PLXNC1: variants seen among roughly 807,000 people sequenced by gnomAD.
The protein encoded by PLXNC1 is plexin-C1.
PLXNC1 carries 75 observed loss-of-function variants against 178.2 expected under a neutral mutation model. That is an observed-to-expected ratio of 0.42 (90% CI 0.35 to 0.51). PLXNC1 has a LOEUF of 0.51. Among genes scored for constraint, PLXNC1 ranks in the 20% least tolerant of loss-of-function variants. The pLI is 0.02. For missense variants in PLXNC1, 1,503 were observed against 1,984.4 expected (o/e 0.76, Z 4.61); for synonymous variants, 790 against 779.9 (o/e 1.01, Z -0.22).
intron 2 of PLXNC1, among the ~76,000 whole-genome samples, chr12:94,174,532 A>G (rs73364605): frequency 0.022 from 3,357 of 152,296 alleles, 149 homozygotes; most frequent in African/African-American, 0.077. Context: ...GGTTCCAAAA[A>G]GTTCTGTCTG....
At chr12:94,193,088 G>C (rs1328635339) in intron 4 of PLXNC1, among the ~76,000 whole-genome samples, 1 of 152,198 alleles carries the variant, frequency 6.6e-6, no homozygotes, top group Non-Finnish European at 1.5e-5. Flanking sequence ...TGAGGCAGGG[G>C]AAGCTGGTGT....
chr12:94,304,480 A>G (rs1408613609), intron 30 of PLXNC1, among the ~76,000 whole-genome samples: 1 of 152,238 alleles, frequency 6.6e-6, no homozygotes, highest in African/African-American at 2.4e-5. Context: ...TCAATAAACC[A>G]TTCTCCTTTA....
intron 1 of PLXNC1, among the ~76,000 whole-genome samples, chr12:94,155,032 T>C (rs1007269773): frequency 6.6e-6 from 1 of 152,254 alleles, no homozygotes; most frequent in African/African-American, 2.4e-5. Context: ...TTTTTCTTAA[T>C]GCCTGATGTG....
intron 21 of PLXNC1, among the ~76,000 whole-genome samples, chr12:94,268,588 C>CTT (rs61265662): frequency 0.025 from 2,261 of 90,832 alleles, 54 homozygotes; most frequent in Non-Finnish European, 0.03. Flanking sequence ...AGAATAAGAC[C>CTT]TTTTTTTTTT....
intron 5 of PLXNC1, among the ~76,000 whole-genome samples, chr12:94,210,357 G>C (rs1345405482): frequency 6.6e-6 from 1 of 152,188 alleles, no homozygotes; most frequent in Admixed American, 6.5e-5. Context: ...CACGCCAACC[G>C]TGCCCTACGG....
chr12:94,239,050 C>T (rs1195702581), intron 10 of PLXNC1, among the ~76,000 whole-genome samples: 1 of 152,092 alleles, frequency 6.6e-6, no homozygotes, highest in African/African-American at 2.4e-5. Flanking sequence ...AGTAGTTTTT[C>T]GGAGCATTAC....
At chr12:94,217,963 A>G (rs1208350163) in intron 5 of PLXNC1, among the ~76,000 whole-genome samples, 6 of 152,268 alleles carry the variant, frequency 3.9e-5, no homozygotes, top group Admixed American at 3.9e-4. Context: ...TAAAAGCTAC[A>G]TATGTGAGAA....
At chr12:94,278,170 A>G (rs1161783768) in intron 21 of PLXNC1, 5 of 387,364 alleles carry the variant, frequency 1.3e-5, no homozygotes, top group Admixed American at 3.1e-5. Context: ...CAAAATTCCC[A>G]TTACTTGATC....
intron 21 of PLXNC1, among the ~76,000 whole-genome samples, chr12:94,273,652 T>C (rs1015900150): frequency 1.3e-5 from 2 of 152,178 alleles, no homozygotes; most frequent in African/African-American, 4.8e-5. Flanking sequence ...ACAGTTCTTC[T>C]ACTAGTCTGC....
intron 1 of PLXNC1, chr12:94,168,080 G>T (rs1565789728): frequency 2.0e-5 from 3 of 152,196 alleles, no homozygotes; most frequent in Admixed American, 1.3e-4. Context: ...ATATAATGAA[G>T]TTAATAAGTC....
At chr12:94,282,086 A>G in intron 22 of PLXNC1, 2 of 490,026 alleles carry the variant, frequency 4.1e-6, no homozygotes, top group Non-Finnish European at 7.4e-6. Context: ...CAGGCTTATC[A>G]GGGAAGAAGT....
At chr12:94,171,254 C>G (rs1258706605) in intron 2 of PLXNC1, among the ~76,000 whole-genome samples, 1 of 152,172 alleles carries the variant, frequency 6.6e-6, no homozygotes, top group African/African-American at 2.4e-5. Flanking sequence ...CGCAGCCGAC[C>G]GAAGTCTCGC....
intron 5 of PLXNC1, among the ~76,000 whole-genome samples, chr12:94,210,432 G>A (rs936347094): frequency 2.0e-5 from 3 of 152,302 alleles, no homozygotes; most frequent in South Asian, 2.1e-4. Flanking sequence ...CCCTAATGAC[G>A]GCTCTTGTGT....
At chr12:94,245,059 T>C (rs1964489863) in intron 12 of PLXNC1, among the ~76,000 whole-genome samples, 1 of 152,226 alleles carries the variant, frequency 6.6e-6, no homozygotes, top group Admixed American at 6.5e-5. Context: ...GGCCGCCTGA[T>C]AGGCCGTCCT....
intron 21 of PLXNC1, chr12:94,277,176 T>C (rs1249761614): frequency 6.6e-6 from 1 of 152,200 alleles, no homozygotes. Flanking sequence ...TTTCTCATGA[T>C]GGCGCCTTCC....
chr12:94,196,564 G>C (rs576586792), intron 4 of PLXNC1, among the ~76,000 whole-genome samples: 1 of 152,142 alleles, frequency 6.6e-6, no homozygotes, highest in Non-Finnish European at 1.5e-5. Context: ...AAATTATCCA[G>C]TCTCAGGTAT....
In PLXNC1 at chr12:94,226,594, T is replaced by C; in HGVS notation, c.1791-11T>C. The C allele has an allele frequency of 6.3e-7, 1 of 1,598,994 alleles. No homozygotes were observed. Among genetic ancestry groups the C allele is most frequent in the Non-Finnish European group, 8.6e-7 (1 of 1,166,386 alleles). ...AAACGCAGGAATTAAGTCAGTTTTC[T>C]GTGTTGCTAGATGCCCAGCATGCGT... On this transcript the variant is annotated splice_polypyrimidine_tract_variant and intron_variant, in intron 7 of 30. Coordinates refer to ENST00000258526, the MANE Select transcript of PLXNC1 (RefSeq NM_005761.3).
chr12:94,193,219 TA>T (rs1366019349), intron 4 of PLXNC1, among the ~76,000 whole-genome samples: 1 of 152,136 alleles, frequency 6.6e-6, no homozygotes, highest in Non-Finnish European at 1.5e-5. Context: ...GGGCTTTAAT[TA>T]AAAGTGCGAC....
Position 94,260,726 on chromosome 12 carries a change from C to T in PLXNC1, c.3336C>T (p.Asp1112=). Residue 1112 remains aspartate, a synonymous_variant, in exon 20 of 31, where the codon GAC becomes GAT. Coordinates refer to ENST00000258526, the MANE Select transcript of PLXNC1 (RefSeq NM_005761.3). This position sits in a 1 kb window ranked among gnomAD's most constrained non-coding sequence, Gnocchi z 4.4. ...LTSILEVLTR[D]LMEQCSNMQP... is the part of the protein sequence containing the mutation. ...GCATCCTAGAGGTGCTGACCAGGGA[C>T]TTGATGGAACAGTGTAGTAACATGC... The T allele has an allele frequency of 6.2e-7, 1 of 1,614,122 alleles. No individual in the cohort carries two copies.
Sources: gnomAD v4.1 joint callset for allele counts (sites outside exome capture counted in the v4.1 genomes callset) on GRCh38, gnomAD v4.1.1 for gene constraint, Gnocchi (gnomAD v3.1) non-coding constraint, MANE v1.5 for transcripts, NCBI Gene and HGNC (gene_info 2026-07-23, HGNC 2026-07-21) for gene names.